WNK2: variants seen among roughly 807,000 people sequenced by gnomAD.
WNK2 encodes the protein serine/threonine-protein kinase WNK2.
WNK2 carries 67 observed loss-of-function variants against 192.1 expected under a neutral mutation model. That is an observed-to-expected ratio of 0.35 (90% CI 0.29 to 0.43). The LOEUF is 0.43. Ranked by LOEUF, WNK2 falls within the 20% of genes least tolerant of loss-of-function variation. The pLI is 1.00. For missense variants in WNK2, 2,698 were observed against 3,089.7 expected (o/e 0.87, Z 3.01); for synonymous variants, 1,439 against 1,393.9 (o/e 1.03, Z -0.72).
In WNK2 at chr9:93,239,760, C is replaced by T. The variant is rs776392797; in HGVS notation, c.1326C>T (p.Tyr442=). ...ECICKNKEER[Y]EIKDLLSHAF... ...CTGTCAGCTGCTCTCCCTCCAGGTACGAGATCAAAGACCTGCTGAGCCACG... is the reference window on the plus strand; with the variant it reads ...CTGTCAGCTGCTCTCCCTCCAGGTATGAGATCAAAGACCTGCTGAGCCACG... The change falls in exon 7 of 30, where the codon TAC becomes TAT. Residue 442 remains tyrosine (Y), a synonymous_variant. Transcript: ENST00000427277. This position sits in a 1 kb window ranked among gnomAD's most constrained non-coding sequence, Gnocchi z 4.2. The T allele has an allele frequency of 7.1e-6, 11 of 1,550,690 alleles. No homozygotes were observed. Among genetic ancestry groups the T allele is most frequent in the African/African-American group, 1.4e-5 (1 of 73,094 alleles).
At chr9:93,230,814 T>C in intron 3 of WNK2, 74 bp from the exon 4 acceptor site, 1 of 1,330,050 alleles carries the variant, frequency 7.5e-7, no homozygotes, top group Middle Eastern at 2.6e-4. Context: ...GCCTAAGCAG[T>C]GTTAGGTGGG....
chr9:93,269,811 A>G (rs1845768936), intron 19 of WNK2, among the ~76,000 whole-genome samples: 1 of 152,150 alleles, frequency 6.6e-6, no homozygotes, highest in Non-Finnish European at 1.5e-5. Context: ...ACCTCAGGAA[A>G]CCTTTTTGAG....
At chr9:93,196,260 G>C (rs1337110189) in intron 2 of WNK2, among the ~76,000 whole-genome samples, 1 of 152,044 alleles carries the variant, frequency 6.6e-6, no homozygotes, top group Non-Finnish European at 1.5e-5. Flanking sequence ...CCTGCTTTCT[G>C]GGCACTGTGC....
intron 18 of WNK2, 129 bp from the exon 19 acceptor site, chr9:93,268,498 G>A (rs1371888303): frequency 1.4e-6 from 2 of 1,414,996 alleles, no homozygotes; most frequent in Non-Finnish European, 1.9e-6. Context: ...CACCCTTCCT[G>A]GAGAAAATCC....
intron 25 of WNK2, 82 bp downstream of exon 25, chr9:93,299,343 T>C: frequency 1.4e-6 from 2 of 1,418,476 alleles, no homozygotes; most frequent in South Asian, 3.1e-5. Flanking sequence ...GCCCGTGTTG[T>C]GTAGAGGGGT....
Position 93,184,206 on chromosome 9 carries a change from A to G in WNK2, c.-182A>G, listed in dbSNP as rs889955238. ...CGCGAAGCCGGCAGGAGCACGCGGG[A>G]GCGCGGCCCCGCAGTGGCCCGGCCC... On this transcript the variant is annotated 5_prime_UTR_variant, in exon 1 of 30. Transcript: ENST00000427277. Among the ~76,000 whole-genome samples the G allele has an allele frequency of 3.3e-5, 5 of 149,576 alleles. No individual in the cohort carries two copies. Among genetic ancestry groups the G allele is most frequent in the African/African-American group, 1.2e-4 (5 of 40,788 alleles).
At chr9:93,300,621 G>A (rs1043876467) in intron 26 of WNK2, among the ~76,000 whole-genome samples, 3 of 152,116 alleles carry the variant, frequency 2.0e-5, no homozygotes, top group South Asian at 2.1e-4. Context: ...TGTGTCACGC[G>A]TGTCTGGACT....
chr9:93,261,877 G>C lies in WNK2; in HGVS notation c.3130G>C (p.Val1044Leu). 1 of 1,601,594 alleles carries C rather than the reference G, an allele frequency of 6.2e-7. No individual in the cohort carries two copies. The highest frequency in any genetic ancestry group is 1.1e-5 in the South Asian group (1 of 91,036). ...DVAAQVPTVPVPPAAVLSPPL... is the reference protein window; with the variant it reads ...DVAAQVPTVPLPPAAVLSPPL... ...CGCCGCTCAGGTCCCCACCGTGCCT[G>C]TGCCACCGGCTGCGGTCCTCTCGCC... Residue 1044 changes from valine (V) to leucine (L), a missense_variant, in exon 13 of 30, where the codon GTG (valine) becomes CTG (leucine). Physicochemically the swap from Val to Leu is conservative, Grantham distance 32. This residue lies in a region of WNK2 where 893 missense variants were observed against 909.0 expected (regional missense o/e 0.98). Coordinates refer to ENST00000427277, the MANE Select transcript of WNK2 (RefSeq NM_006648.4).
intron 7 of WNK2, among the ~76,000 whole-genome samples, chr9:93,244,370 G>A (rs1300208295): frequency 2.6e-5 from 4 of 152,186 alleles, no homozygotes; most frequent in Non-Finnish European, 5.9e-5. Context: ...CCCCCAAGGG[G>A]ATTCCCAGCC....
chr9:93,275,262 GT>G (rs1412513228), intron 19 of WNK2, among the ~76,000 whole-genome samples: 3 of 152,158 alleles, frequency 2.0e-5, no homozygotes, highest in African/African-American at 7.2e-5. Context: ...CATGCCTATA[GT>G]TGTAGCTACT....
chr9:93,209,942 C>T (rs910381141), intron 2 of WNK2, among the ~76,000 whole-genome samples: 1 of 152,198 alleles, frequency 6.6e-6, no homozygotes, highest in Non-Finnish European at 1.5e-5. Context: ...AGCCCCACGC[C>T]TGTGGGCACC....
At chr9:93,317,498 T>C (rs1018994916) in intron 28 of WNK2, 22 bp from the exon 29 acceptor site, 1 of 1,612,524 alleles carries the variant, frequency 6.2e-7, no homozygotes, top group African/African-American at 1.3e-5. Context: ...TACCTTCCTC[T>C]TCTCGTCTCT....
intron 2 of WNK2, among the ~76,000 whole-genome samples, chr9:93,216,969 T>TG (rs897476068): frequency 6.6e-6 from 1 of 152,022 alleles, no homozygotes; most frequent in African/African-American, 2.4e-5. Flanking sequence ...AAAAAATCTT[T>TG]TTTTTTTTGA....
At chr9:93,188,429 G>C (rs1197411370) in intron 2 of WNK2, among the ~76,000 whole-genome samples, 3 of 152,204 alleles carry the variant, frequency 2.0e-5, no homozygotes, top group African/African-American at 7.2e-5. Flanking sequence ...ATCTCACATC[G>C]AAGGGCAGTG....
intron 28 of WNK2, chr9:93,308,908 C>A: frequency 8.4e-7 from 1 of 1,187,568 alleles, no homozygotes; most frequent in Non-Finnish European, 1.0e-6. Context: ...TAGCCCTGGT[C>A]TTGGCAGACA....
chr9:93,220,969 A>G (rs556030537), intron 2 of WNK2, among the ~76,000 whole-genome samples: 29 of 151,956 alleles, frequency 1.9e-4, no homozygotes, highest in Non-Finnish European at 4.3e-4. Context: ...TGGGCTGCCC[A>G]CCCATCCCTG....
At chr9:93,195,699 CAAAAAAAA>C (rs59357990) in intron 2 of WNK2, among the ~76,000 whole-genome samples, 22 of 41,670 alleles carry the variant, frequency 5.3e-4, no homozygotes, top group African/African-American at 2.2e-3. Context: ...GACTTTGTCT[CAAAAAAAA>C]AAAAAAAAAA....
intron 28 of WNK2, among the ~76,000 whole-genome samples, chr9:93,312,183 C>T: frequency 6.6e-6 from 1 of 152,114 alleles, no homozygotes; most frequent in Non-Finnish European, 1.5e-5. Flanking sequence ...GATATATGAT[C>T]TGTTGATAGT....
chr9:93,208,459 T>A (rs1833788629), intron 2 of WNK2, among the ~76,000 whole-genome samples: 1 of 152,110 alleles, frequency 6.6e-6, no homozygotes, highest in African/African-American at 2.4e-5. Flanking sequence ...TCACCATGTT[T>A]GCATGTTCTC....
Sources: allele counts gnomAD v4.1 joint callset (sites outside exome capture counted in the v4.1 genomes callset), GRCh38; gene constraint gnomAD v4.1.1; regional missense constraint gnomAD v4.1.1; non-coding constraint Gnocchi (gnomAD v3.1); transcripts MANE v1.5; gene names NCBI Gene and HGNC (gene_info 2026-07-23, HGNC 2026-07-21).